The following PCDH11X variants were observed in gnomAD, a reference collection of about 807,000 sequenced individuals.
PCDH11X encodes protocadherin 11 X-linked.
PCDH11X carries 18 observed loss-of-function variants against 53.3 expected under a neutral mutation model. The ratio of observed to expected loss-of-function variants is 0.34; its 90% CI spans 0.23 to 0.50. PCDH11X has a LOEUF of 0.50. Ranked by LOEUF, PCDH11X falls within the 20% of genes least tolerant of loss-of-function variation. The pLI is 0.98. For missense variants in PCDH11X, 570 were observed against 1,032.4 expected, an observed-to-expected ratio of 0.55 and a Z score of 6.14; for synonymous variants, 279 against 393.3, an observed-to-expected ratio of 0.71 and a Z score of 3.44.
chrX:92,336,757 C>T (rs1207294603), intron 8 of PCDH11X, among the ~76,000 whole-genome samples: 1 of 111,570 alleles, frequency 9.0e-6, no homozygotes, highest in Non-Finnish European at 1.9e-5. Flanking sequence ...CTCTTTGTAG[C>T]TGCATCTCTT....
chrX:92,227,166 C>T (rs1468508527), intron 7 of PCDH11X, among the ~76,000 whole-genome samples: 1 of 111,655 alleles, frequency 9.0e-6, no homozygotes, highest in Non-Finnish European at 1.9e-5. Flanking sequence ...GTGTCTGCAT[C>T]TGAATTTCAC....
intron 6 of PCDH11X, among the ~76,000 whole-genome samples, chrX:91,963,832 A>G (rs1392169653): frequency 9.0e-6 from 1 of 110,541 alleles, no homozygotes; most frequent in Non-Finnish European, 1.9e-5. Context: ...GTAGAAGCGA[A>G]CATGTCCTTC....
chrX:91,824,044 G>A (rs1490286836), intron 4 of PCDH11X, among the ~76,000 whole-genome samples: 4 of 111,511 alleles, frequency 3.6e-5, no homozygotes, highest in African/African-American at 6.5e-5. Context: ...CGAGAGATCC[G>A]CTGTTAGTCT....
intron 10 of PCDH11X, among the ~76,000 whole-genome samples, chrX:92,611,557 G>A (rs2556846): frequency 0.35 from 37,911 of 108,120 alleles, 6,918 homozygotes; most frequent in African/African-American, 0.68. Context: ...TTCTTTTCCT[G>A]ATTAGATCCC....
chrX:91,938,020 G>T (rs916954278), intron 6 of PCDH11X, among the ~76,000 whole-genome samples: 46 of 110,661 alleles, frequency 4.2e-4, no homozygotes, highest in Non-Finnish European at 8.2e-4. Context: ...AAATGTGTGA[G>T]CTTCTATTTT....
At chrX:91,921,301 A>G (rs1941730714) in intron 6 of PCDH11X, among the ~76,000 whole-genome samples, 1 of 110,832 alleles carries the variant, frequency 9.0e-6, no homozygotes, top group Admixed American at 9.7e-5. Context: ...ATAGTTGATG[A>G]ATTTACACAT....
At chrX:91,823,999 G>A (rs1417433373) in intron 4 of PCDH11X, among the ~76,000 whole-genome samples, 2 of 110,568 alleles carry the variant, frequency 1.8e-5, no homozygotes, top group African/African-American at 6.6e-5. Flanking sequence ...GTTGAATATT[G>A]GCCCCCACTC....
chrX:92,563,009 T>A (rs1402126334), intron 10 of PCDH11X, among the ~76,000 whole-genome samples: 2 of 106,770 alleles, frequency 1.9e-5, no homozygotes, highest in Non-Finnish European at 3.9e-5. Flanking sequence ...TTTCCAGATT[T>A]CAGGTATCTT....
chrX:91,823,478 C>T (rs1215344765), intron 4 of PCDH11X, among the ~76,000 whole-genome samples: 1 of 111,180 alleles, frequency 9.0e-6, no homozygotes, highest in Non-Finnish European at 1.9e-5. Context: ...TCTGTTTTAT[C>T]AGAGACTAGG....
chrX:92,536,794 A>G (rs1220807481), intron 10 of PCDH11X, among the ~76,000 whole-genome samples: 3 of 108,235 alleles, frequency 2.8e-5, no homozygotes, highest in Admixed American at 1.0e-4. Flanking sequence ...AGTATCTGGA[A>G]CTACAGGTGT....
intron 10 of PCDH11X, among the ~76,000 whole-genome samples, chrX:92,488,190 A>G (rs1186495478): frequency 9.1e-6 from 1 of 109,860 alleles, no homozygotes; most frequent in Non-Finnish European, 1.9e-5. Flanking sequence ...GTGAGAGCGC[A>G]TCATCAGATT....
intron 8 of PCDH11X, among the ~76,000 whole-genome samples, chrX:92,274,171 A>G (rs1173143123): frequency 9.2e-6 from 1 of 108,793 alleles, no homozygotes; most frequent in Non-Finnish European, 1.9e-5. Flanking sequence ...AATTGGCTGT[A>G]CCTTGTAGCA....
intron 9 of PCDH11X, among the ~76,000 whole-genome samples, chrX:92,415,903 T>C (rs947071065): frequency 4.5e-5 from 5 of 111,999 alleles, no homozygotes; most frequent in Non-Finnish European, 7.5e-5. Flanking sequence ...AAATACACTT[T>C]ATCTTTGAAG....
rs1806711913 is a variant in PCDH11X at position 92,487,841 on chromosome X, G to A, written c.3367+19519G>A. On this transcript the variant is annotated intron_variant, in intron 10 of 10. Coordinates refer to ENST00000682573, the MANE Select transcript of PCDH11X (RefSeq NM_032968.5). ...TCCATAATATTGGCAAACTAATAAT[G>A]TGTACACACCACTGACAACAATACT... Among the ~76,000 whole-genome samples the A allele has an allele frequency of 2.7e-5, 3 of 111,330 alleles. 1 individual carries two copies. Among genetic ancestry groups the A allele is most frequent in the Admixed American group, 1.9e-4 (2 of 10,443 alleles).
chrX:91,977,111 C>A (rs1371496824), intron 6 of PCDH11X, among the ~76,000 whole-genome samples: 1 of 111,628 alleles, frequency 9.0e-6, no homozygotes, highest in Non-Finnish European at 1.9e-5. Context: ...TCCTGCCACA[C>A]TATGGTTGTA....
chrX:91,946,137 C>G (rs986130973), intron 6 of PCDH11X, among the ~76,000 whole-genome samples: 1 of 109,260 alleles, frequency 9.2e-6, no homozygotes, highest in South Asian at 3.9e-4. Context: ...GTTGGTTGTA[C>G]TCCTCACAGT....
intron 10 of PCDH11X, among the ~76,000 whole-genome samples, chrX:92,550,165 T>C (rs2074929612): frequency 9.0e-6 from 1 of 110,670 alleles, no homozygotes; most frequent in Non-Finnish European, 1.9e-5. Context: ...ATCAAATTTT[T>C]AGTTTCCAAA....
chrX:92,185,822 TA>T (rs745885931), intron 6 of PCDH11X, among the ~76,000 whole-genome samples: 17 of 103,935 alleles, frequency 1.6e-4, no homozygotes, highest in African/African-American at 3.5e-4. Flanking sequence ...GAATACCTAT[TA>T]AAAAAAAAAG....
chrX:92,568,128 A>G (rs1921715297), intron 10 of PCDH11X, among the ~76,000 whole-genome samples: 2 of 109,694 alleles, frequency 1.8e-5, no homozygotes, highest in South Asian at 4.0e-4. Context: ...ATACACTACA[A>G]AAATTTTCAT....
Sources: gnomAD v4.1 joint callset for allele counts (sites outside exome capture counted in the v4.1 genomes callset) on GRCh38, gnomAD v4.1.1 for gene constraint, MANE v1.5 for transcripts, NCBI Gene and HGNC (gene_info 2026-07-23, HGNC 2026-07-21) for gene names.